ZNF608: variants seen among roughly 807,000 people sequenced by gnomAD.
ZNF608 encodes renal carcinoma antigen NY-REN-36.
ZNF608 carries 12 observed loss-of-function variants against 109.0 expected under a neutral mutation model. The observed-to-expected ratio is 0.11, with a 90% CI of 0.07 to 0.18. The LOEUF (loss-of-function observed/expected upper bound fraction) is 0.18, where lower values mean the gene tolerates loss of function less well. ZNF608 is among the 10% of genes least tolerant of loss of function. The pLI is 1.00. For missense variants in ZNF608, 1,707 were observed against 1,879.3 expected, an observed-to-expected ratio of 0.91 and a Z score of 1.70; for synonymous variants, 732 against 717.4, an observed-to-expected ratio of 1.02 and a Z score of -0.33.
Position 124,707,893 on chromosome 5 carries a change from C to T in ZNF608, c.907-6624G>A, listed in dbSNP as rs1753325308. 3 of 152,356 alleles carry T rather than the reference C, an allele frequency of 2.0e-5. No individual in the cohort carries two copies. The South Asian group carries it at 6.2e-4, about 32-fold the overall frequency. 9.4% of individuals were successfully genotyped at this position (152,356 alleles called of 1,614,324 possible). ...AACTGAATTTTGGTCACTTCTAATT[C>T]TGCCTTTTCGTAAATGTGATGGAGA... is the stretch of plus-strand genomic sequence containing the variant. On this transcript the variant is annotated intron_variant, in intron 2 of 9. Transcript: ENST00000513986.
intron 3 of ZNF608, among the ~76,000 whole-genome samples, chr5:124,652,885 CAT>C (rs1561538955): frequency 6.6e-6 from 1 of 152,192 alleles, no homozygotes; most frequent in Non-Finnish European, 1.5e-5. Context: ...CTATTTCTCA[CAT>C]GTGAATTGGA....
Position 124,647,918 on chromosome 5 carries a change from T to C in ZNF608, c.2466A>G (p.Lys822=), listed in dbSNP as rs755114088. The change falls in exon 5 of 10, where the codon AAA becomes AAG. Residue 822 remains lysine, a synonymous_variant. Transcript: ENST00000513986. The part of the protein sequence containing the change: ...KKKEKRKLKD[K]EGKETGSPKM... ...TTGGGCTTCCCGTCTCTTTCCCTTC[T>C]TTGTCCTTTAGCTTTCGCTTCTCCT... The C allele has an allele frequency of 1.2e-6, 2 of 1,614,220 alleles. No individual in the cohort carries two copies. Among genetic ancestry groups the C allele is most frequent in the Non-Finnish European group, 1.7e-6 (2 of 1,180,022 alleles).
chr5:124,658,821 T>C (rs1751122044), intron 3 of ZNF608, among the ~76,000 whole-genome samples: 1 of 152,202 alleles, frequency 6.6e-6, no homozygotes, highest in African/African-American at 2.4e-5. Flanking sequence ...AGGACACATT[T>C]TTCTTCTTTT....
intron 3 of ZNF608, among the ~76,000 whole-genome samples, chr5:124,686,798 A>G (rs2149832595): frequency 6.6e-6 from 1 of 152,372 alleles, no homozygotes; most frequent in African/African-American, 2.4e-5. Flanking sequence ...TCCACAAGAC[A>G]GTATACAAAC....
At chr5:124,669,522 G>T (rs148230014) in intron 3 of ZNF608, among the ~76,000 whole-genome samples, 84 of 152,268 alleles carry the variant, frequency 5.5e-4, no homozygotes, top group African/African-American at 1.9e-3. Flanking sequence ...CCAAGTGAAC[G>T]CTATAGGCTG....
chr5:124,641,390 T>C lies in ZNF608; in HGVS notation c.4312A>G (p.Thr1438Ala). The C allele has an allele frequency of 6.2e-7, 1 of 1,612,158 alleles. No individual in the cohort carries two copies. Among genetic ancestry groups the C allele is most frequent in the South Asian group, 1.1e-5 (1 of 90,854 alleles). Residue 1438 changes from threonine (T) to alanine (A), a missense_variant, in exon 8 of 10, where the codon ACA becomes GCA. Physicochemically the swap from Thr to Ala is moderately conservative, Grantham distance 58. Coordinates refer to ENST00000513986, the MANE Select transcript of ZNF608 (RefSeq NM_020747.3). ...SKSPAPVEKA[T>A]AEREREAERE... ...TCTGCCTCCCGTTCCCGCTCAGCTG[T>C]AGCCTTTTCCACAGGCTGCAACAGA...
chr5:124,640,601 C>A (rs1165162013), intron 8 of ZNF608, among the ~76,000 whole-genome samples: 1 of 152,202 alleles, frequency 6.6e-6, no homozygotes, highest in African/African-American at 2.4e-5. Context: ...GGTATTCTAG[C>A]AAGTTGTAAA....
At chr5:124,719,009 A>G (rs935104018) in intron 2 of ZNF608, among the ~76,000 whole-genome samples, 1 of 152,210 alleles carries the variant, frequency 6.6e-6, no homozygotes, top group Admixed American at 6.5e-5. Context: ...GCCTTCCACC[A>G]ATATGTAACT....
intron 7 of ZNF608, among the ~76,000 whole-genome samples, chr5:124,642,692 CTTTTTTTT>C (rs755561532): frequency 1.0e-3 from 97 of 95,292 alleles, no homozygotes; most frequent in African/African-American, 4.2e-3. Context: ...TTTCTATTGT[CTTTTTTTT>C]TTTTTTTTTT....
At chr5:124,694,377 A>T (rs56298636) in intron 3 of ZNF608, among the ~76,000 whole-genome samples, 16,097 of 151,266 alleles carry the variant, frequency 0.11, 1,662 homozygotes, top group African/African-American at 0.27. Context: ...TACTAAAAAA[A>T]TTTTTTTTCA....
chr5:124,685,212 C>T (rs1006136559), intron 3 of ZNF608, among the ~76,000 whole-genome samples: 7 of 149,202 alleles, frequency 4.7e-5, no homozygotes, highest in African/African-American at 1.8e-4. Context: ...GCTTTGGCTG[C>T]CTTCAAGTGA....
intron 3 of ZNF608, among the ~76,000 whole-genome samples, chr5:124,680,948 A>C (rs1015249690): frequency 6.6e-6 from 1 of 152,180 alleles, no homozygotes; most frequent in Non-Finnish European, 1.5e-5. Flanking sequence ...AAAATACAAA[A>C]CGCATATAAA....
chr5:124,738,358 G>A (rs1461666357), intron 2 of ZNF608, among the ~76,000 whole-genome samples: 1 of 152,202 alleles, frequency 6.6e-6, no homozygotes, highest in Non-Finnish European at 1.5e-5. Flanking sequence ...ACACAGGAAT[G>A]TAATACAAGT....
chr5:124,748,206 C>T (rs191873638), upstream of ZNF608, among the ~76,000 whole-genome samples: 24 of 152,232 alleles, frequency 1.6e-4, no homozygotes, highest in Non-Finnish European at 3.5e-4. Flanking sequence ...CCAGCTAGGA[C>T]AGAAGAGGGA....
intron 2 of ZNF608, among the ~76,000 whole-genome samples, chr5:124,721,921 G>T (rs1464596255): frequency 1.1e-5 from 1 of 87,120 alleles, no homozygotes; most frequent in Non-Finnish European, 2.2e-5. Flanking sequence ...CAGCCTGGGC[G>T]ACAGAATGAG....
chr5:124,652,326 C>T (rs1213193914), intron 3 of ZNF608, among the ~76,000 whole-genome samples: 1 of 152,194 alleles, frequency 6.6e-6, no homozygotes, highest in Non-Finnish European at 1.5e-5. Context: ...TTTTCAACCT[C>T]AAAGGGCCTA....
Position 124,661,867 on chromosome 5 carries a change from G to A in ZNF608, c.1163-12170C>T, listed in dbSNP as rs114297446. Among the ~76,000 whole-genome samples the A allele has an allele frequency of 3.0e-3, 452 of 152,228 alleles. 3 individuals are homozygous for A. The highest frequency in any genetic ancestry group is 9.9e-3 in the African/African-American group (410 of 41,522). ...TCTAACTGAAATCTAATTCCTCTCC[G>A]ATATTTGTATCTCTTCTAGTCCTTG... On this transcript the variant is annotated intron_variant, in intron 3 of 9. Transcript: ENST00000513986.
chr5:124,725,558 C>T (rs1350993821), intron 2 of ZNF608, among the ~76,000 whole-genome samples: 1 of 152,078 alleles, frequency 6.6e-6, no homozygotes, highest in Non-Finnish European at 1.5e-5. Context: ...ATGGCCAAAG[C>T]TTCTAAACTG....
intron 3 of ZNF608, among the ~76,000 whole-genome samples, chr5:124,692,572 GTTATTACA>G (rs1271337394): frequency 1.3e-5 from 2 of 152,180 alleles, no homozygotes; most frequent in Non-Finnish European, 2.9e-5. Context: ...ATAAACTCCA[GTTATTACA>G]TCACATTTGA....
Sources: allele counts gnomAD v4.1 joint callset (sites outside exome capture counted in the v4.1 genomes callset), GRCh38; gene constraint gnomAD v4.1.1; transcripts MANE v1.5; gene names NCBI Gene and HGNC (gene_info 2026-07-23, HGNC 2026-07-21).